FARP1: variants seen among roughly 807,000 people sequenced by gnomAD.
FARP1 encodes the protein FERM, ARH/RhoGEF and pleckstrin domain protein 1.
In FARP1, 52 loss-of-function variants were observed where a neutral mutation model predicts 128.8. The observed-to-expected ratio is 0.40, with a 90% CI of 0.32 to 0.51. The LOEUF is 0.51. Ranked by LOEUF, FARP1 falls within the 20% of genes least tolerant of loss-of-function variation. FARP1 has a pLI of 0.45. For synonymous variants in FARP1, 580 were observed against 551.8 expected (o/e 1.05, Z -0.72); for missense variants, 1,333 against 1,367.9 (o/e 0.97, Z 0.40).
intron 2 of FARP1, among the ~76,000 whole-genome samples, chr13:98,274,676 A>C (rs562307180): frequency 1.3e-5 from 2 of 152,314 alleles, no homozygotes; most frequent in East Asian, 3.9e-4. Context: ...CCTCCCCAGC[A>C]GACTTCCTAA....
In FARP1 at chr13:98,336,567, C is replaced by T. The variant is rs184064126; in HGVS notation, c.172-7195C>T. On this transcript the variant is annotated intron_variant, in intron 2 of 26. Transcript: ENST00000319562. ...GATTACAGGTGTGAGCCACTGTGCC[C>T]GGCCTAGAAATGTTTTAAAGTCACA... 9.2e-5 allele frequency among the ~76,000 whole-genome samples: 14 copies of T among 152,270 alleles called. No individual in the cohort carries two copies. The East Asian group carries it at 1.4e-3, about 15-fold the overall frequency.
At chr13:98,160,861 T>G (rs1329963302) in intron 1 of FARP1, among the ~76,000 whole-genome samples, 1 of 151,978 alleles carries the variant, frequency 6.6e-6, no homozygotes, top group Non-Finnish European at 1.5e-5. Flanking sequence ...GTATTTTTAG[T>G]AGAGATAGGG....
chr13:98,325,233 T>G (rs916917687), intron 2 of FARP1, among the ~76,000 whole-genome samples: 1 of 149,854 alleles, frequency 6.7e-6, no homozygotes, highest in Non-Finnish European at 1.5e-5. Context: ...TCCATGAGTA[T>G]TGAAAACAGT....
intron 1 of FARP1, among the ~76,000 whole-genome samples, chr13:98,160,309 G>T (rs1369253432): frequency 1.3e-5 from 2 of 152,180 alleles, no homozygotes; most frequent in Non-Finnish European, 2.9e-5. Flanking sequence ...GTGATGGTGG[G>T]GCCTGGGCTG....
At chr13:98,299,666 T>C (rs1430450932) in intron 2 of FARP1, among the ~76,000 whole-genome samples, 1 of 152,170 alleles carries the variant, frequency 6.6e-6, no homozygotes, top group Non-Finnish European at 1.5e-5. Flanking sequence ...ATTCATAATT[T>C]CCTTCCATCC....
In FARP1 at chr13:98,448,309, G is replaced by A; in HGVS notation, c.3130G>A (p.Val1044Met). ...PHVLSHKESLVY is the reference protein window; with the variant it reads ...PHVLSHKESLMY Reference sequence around the variant, plus strand: ...CGTGTTGAGTCACAAAGAGTCTCTTGTGTATTGATGGCCGGACACACTCGT... The same window carrying A: ...CGTGTTGAGTCACAAAGAGTCTCTTATGTATTGATGGCCGGACACACTCGT... Residue 1044 changes from valine (V) to methionine (M), a missense_variant, in exon 27 of 27, where the codon GTG (valine) becomes ATG (methionine). Val to Met is a conservative substitution (Grantham distance 21). Transcript: ENST00000319562. 1 of 1,612,828 alleles carries A rather than the reference G, an allele frequency of 6.2e-7. No individual in the cohort carries two copies. Among genetic ancestry groups the A allele is most frequent in the Non-Finnish European group, 8.5e-7 (1 of 1,178,752 alleles).
intron 2 of FARP1, among the ~76,000 whole-genome samples, chr13:98,225,883 G>A (rs914088431): frequency 6.6e-6 from 1 of 152,218 alleles, no homozygotes; most frequent in African/African-American, 2.4e-5. Flanking sequence ...GGTACTGACT[G>A]AAAACAAGGG....
intron 4 of FARP1, among the ~76,000 whole-genome samples, chr13:98,367,212 A>G (rs1485044727): frequency 6.6e-6 from 1 of 152,154 alleles, no homozygotes; most frequent in Non-Finnish European, 1.5e-5. Context: ...GCTGGAGTGC[A>G]GTGGCACGAT....
At chr13:98,399,877 AT>A (rs1890693772) in intron 13 of FARP1, 1 of 152,246 alleles carries the variant, frequency 6.6e-6, no homozygotes. Context: ...TAAGGGCAAA[AT>A]AAAAACGCAA....
rs765420585 is a variant in FARP1 at position 98,453,225 on chromosome 13, G to C, written c.*4908G>C. On this transcript the variant is annotated 3_prime_UTR_variant, in exon 27 of 27. Transcript: ENST00000319562. ...TAGAGAGTATCTAGGGAAAAAGAGA[G>C]AGAGAGAAGTCAACACATGTCATTT... The C allele has an allele frequency of 6.2e-7, 1 of 1,611,770 alleles. No individual in the cohort carries two copies. The highest frequency in any genetic ancestry group is 8.5e-7 in the Non-Finnish European group (1 of 1,179,200).
At chr13:98,377,219 T>C (rs1477608449) in intron 5 of FARP1, among the ~76,000 whole-genome samples, 3 of 151,800 alleles carry the variant, frequency 2.0e-5, no homozygotes, top group Non-Finnish European at 4.4e-5. Flanking sequence ...GGAGAATTGC[T>C]TGAACAAGGG....
At chr13:98,263,288 A>T (rs1489108841) in intron 2 of FARP1, among the ~76,000 whole-genome samples, 1 of 152,132 alleles carries the variant, frequency 6.6e-6, no homozygotes, top group Non-Finnish European at 1.5e-5. Flanking sequence ...GATTACAGGC[A>T]TGAGCCACCA....
rs1892998569 is a variant in FARP1 at position 98,448,425 on chromosome 13, A to C, written c.*108A>C. ...TAACACCTGTCTGAAAATCAAAAAC[A>C]TGGCTTCCCAGCAGCTCTCCTGTCT... On this transcript the variant is annotated 3_prime_UTR_variant, in exon 27 of 27. Coordinates refer to ENST00000319562, the MANE Select transcript of FARP1 (RefSeq NM_005766.4). 2 of 913,926 alleles carry C rather than the reference A, an allele frequency of 2.2e-6. No homozygotes were observed. The highest frequency in any genetic ancestry group is 2.9e-5 in the South Asian group (2 of 69,254). 56.6% of individuals were successfully genotyped at this position (913,926 alleles called of 1,614,324 possible). A position where few individuals can be genotyped will look rare whatever the true frequency, so the allele number is the denominator to read the frequency against.
intron 11 of FARP1, among the ~76,000 whole-genome samples, chr13:98,392,102 G>T (rs1890326063): frequency 6.6e-6 from 1 of 152,020 alleles, no homozygotes; most frequent in South Asian, 2.1e-4. Context: ...ACCAGCTCTG[G>T]TAATTTCCCT....
chr13:98,353,746 A>T (rs1888532226), intron 3 of FARP1, among the ~76,000 whole-genome samples: 1 of 152,200 alleles, frequency 6.6e-6, no homozygotes, highest in Non-Finnish European at 1.5e-5. Context: ...AAAAGGAAAA[A>T]GGTATACAGC....
chr13:98,265,917 A>G (rs1392126070), intron 2 of FARP1, among the ~76,000 whole-genome samples: 1 of 152,168 alleles, frequency 6.6e-6, no homozygotes, highest in African/African-American at 2.4e-5. Flanking sequence ...CGCTGGGACT[A>G]GTTGATTCTC....
At chr13:98,327,430 G>C (rs1425425629) in intron 2 of FARP1, among the ~76,000 whole-genome samples, 1 of 152,186 alleles carries the variant, frequency 6.6e-6, no homozygotes, top group Non-Finnish European at 1.5e-5. Context: ...AACGGTGCTT[G>C]TTAGGATGGT....
chr13:98,160,653 A>C (rs536502185), intron 1 of FARP1, among the ~76,000 whole-genome samples: 2 of 152,168 alleles, frequency 1.3e-5, no homozygotes, highest in South Asian at 4.2e-4. Flanking sequence ...CTTATTTTTA[A>C]AAATTTTTTT....
Position 98,435,628 on chromosome 13 carries a change from C to G in FARP1, c.2196C>G (p.Ile732Met). The G allele has an allele frequency of 6.2e-7, 1 of 1,613,964 alleles. No individual in the cohort carries two copies. The highest frequency in any genetic ancestry group is 8.5e-7 in the Non-Finnish European group (1 of 1,179,918). The change falls in exon 19 of 27, where the codon ATC (isoleucine) becomes ATG (methionine). Residue 732 changes from isoleucine (I) to methionine (M), a missense_variant. Coordinates refer to ENST00000319562, the MANE Select transcript of FARP1 (RefSeq NM_005766.4). ...EMVAQLHGTM[I>M]KMENFQKLHE... is the part of the protein sequence containing the mutation. ...TGGCACAGCTCCACGGTACGATGAT[C>G]AAGATGGAGAATTTCCAGAAGCTGC...
Sources: gnomAD v4.1 joint callset for allele counts (sites outside exome capture counted in the v4.1 genomes callset) on GRCh38, gnomAD v4.1.1 for gene constraint, MANE v1.5 for transcripts, NCBI Gene and HGNC (gene_info 2026-07-23, HGNC 2026-07-21) for gene names.